The following RALYL variants were observed in gnomAD, a reference collection of about 807,000 sequenced individuals.
RALYL encodes the protein RALY RNA binding protein like.
Under a neutral mutation model 35.1 loss-of-function variants are expected in RALYL, and 29 were observed. That is an observed-to-expected ratio of 0.83 (90% CI 0.61 to 1.13). RALYL has a LOEUF of 1.13. Among genes scored for constraint, RALYL ranks in the 50% most tolerant of loss-of-function variants. The pLI is 0.00. For synonymous variants in RALYL, 120 were observed against 127.6 expected (o/e 0.94, Z 0.40); for missense variants, 359 against 360.4 (o/e 1.00, Z 0.03).
intron 2 of RALYL, among the ~76,000 whole-genome samples, chr8:84,680,420 G>A (rs540331501): frequency 7.9e-5 from 12 of 152,114 alleles, no homozygotes; most frequent in Admixed American, 4.6e-4. Context: ...CTGAGGAATC[G>A]CCACACTGAC....
rs1000108323 is a variant in RALYL, at chr8:84,621,035, T to G, written c.256+91458T>G. Reference sequence around the variant, plus strand: ...GGACATTTAAGTCTGCAGAGGTTACTGCTGTCTTTTTGTTTGTGCCCTGCC... The same window carrying G: ...GGACATTTAAGTCTGCAGAGGTTACGGCTGTCTTTTTGTTTGTGCCCTGCC... On this transcript the variant is annotated intron_variant, in intron 2 of 8. Transcript: ENST00000521268. Among the ~76,000 whole-genome samples the G allele has an allele frequency of 2.0e-5, 3 of 152,218 alleles. No individual in the cohort carries two copies. In the South Asian group the frequency reaches 6.2e-4, roughly 31 times the overall value.
chr8:84,771,257 A>G (rs1276267488), intron 2 of RALYL, among the ~76,000 whole-genome samples: 4 of 151,886 alleles, frequency 2.6e-5, no homozygotes, highest in Non-Finnish European at 5.9e-5. Flanking sequence ...CTACTGTTGT[A>G]TAGTATTCCT....
At chr8:84,795,470 G>A (rs1247886990) in intron 3 of RALYL, among the ~76,000 whole-genome samples, 1 of 152,144 alleles carries the variant, frequency 6.6e-6, no homozygotes, top group Non-Finnish European at 1.5e-5. Flanking sequence ...ATGTGAAAAT[G>A]CTTAAAATAG....
At chr8:84,583,068 G>T (rs1811204095) in intron 2 of RALYL, among the ~76,000 whole-genome samples, 1 of 151,992 alleles carries the variant, frequency 6.6e-6, no homozygotes, top group South Asian at 2.1e-4. Flanking sequence ...TAGTGATTTG[G>T]ATCTTTGATT....
In RALYL at chr8:84,456,485, C is replaced by T. The variant is rs1228121944; in HGVS notation, c.-23-72814C>T. Among the ~76,000 whole-genome samples, 4 of 151,896 alleles carry T rather than the reference C, an allele frequency of 2.6e-5. No individual in the cohort carries two copies. In the East Asian group the frequency reaches 7.8e-4, roughly 30 times the overall value. On this transcript the variant is annotated intron_variant, in intron 1 of 8. Transcript: ENST00000521268. ...CCAAATGTTCTTCTTTATTATGCTCCATATTCTGACCTGATTATATTATTG... is the reference window on the plus strand; with the variant it reads ...CCAAATGTTCTTCTTTATTATGCTCTATATTCTGACCTGATTATATTATTG...
intron 1 of RALYL, among the ~76,000 whole-genome samples, chr8:84,254,993 C>G (rs930762881): frequency 1.3e-5 from 2 of 152,006 alleles, no homozygotes; most frequent in Non-Finnish European, 2.9e-5. Flanking sequence ...ATCTCCACCT[C>G]GTCTCTCCCT....
At chr8:84,480,304 C>T (rs1310186629) in intron 1 of RALYL, among the ~76,000 whole-genome samples, 1 of 152,058 alleles carries the variant, frequency 6.6e-6, no homozygotes, top group Non-Finnish European at 1.5e-5. Context: ...TCATTATCAT[C>T]ATCAAAAAGA....
intron 1 of RALYL, among the ~76,000 whole-genome samples, chr8:84,207,026 G>A (rs558114245): frequency 6.6e-5 from 10 of 152,102 alleles, no homozygotes; most frequent in Non-Finnish European, 1.3e-4. Flanking sequence ...ATAAGTGCTG[G>A]CCAGAGTGTG....
intron 7 of RALYL, among the ~76,000 whole-genome samples, chr8:84,876,026 G>A (rs1841063444): frequency 6.6e-6 from 1 of 152,262 alleles, no homozygotes; most frequent in South Asian, 2.1e-4. Context: ...AAGTTCCATA[G>A]TATCTTTTTT....
At chr8:84,309,874 G>A (rs564991221) in intron 1 of RALYL, among the ~76,000 whole-genome samples, 14 of 151,866 alleles carry the variant, frequency 9.2e-5, no homozygotes, top group Non-Finnish European at 1.3e-4. Context: ...TGCAACCCCC[G>A]CCACCACGAC....
At chr8:84,608,174 T>C (rs560491295) in intron 2 of RALYL, among the ~76,000 whole-genome samples, 1 of 152,222 alleles carries the variant, frequency 6.6e-6, no homozygotes, top group African/African-American at 2.4e-5. Flanking sequence ...CCAGCCACAA[T>C]TGCCTAGAGC....
chr8:84,664,263 A>ATTTTTT (rs60423756), intron 2 of RALYL, among the ~76,000 whole-genome samples: 5 of 58,048 alleles, frequency 8.6e-5, no homozygotes, highest in Non-Finnish European at 1.2e-4. Context: ...ATGCCTCTAG[A>ATTTTTT]TTTTTTTTTT....
At chr8:84,552,358 ATTTTTT>A (rs1167949176) in intron 2 of RALYL, among the ~76,000 whole-genome samples, 77 of 30,594 alleles carry the variant, frequency 2.5e-3, no homozygotes, top group African/African-American at 8.5e-3. Flanking sequence ...ATATATATAT[ATTTTTT>A]TTTTTTTTTT....
intron 3 of RALYL, among the ~76,000 whole-genome samples, chr8:84,790,945 G>A (rs186692721): frequency 1.3e-5 from 2 of 152,290 alleles, no homozygotes; most frequent in Admixed American, 6.5e-5. Flanking sequence ...AATTCACCGT[G>A]TACTGAGAAA....
chr8:84,209,987 T>G (rs889534473), intron 1 of RALYL, among the ~76,000 whole-genome samples: 1 of 152,154 alleles, frequency 6.6e-6, no homozygotes, highest in Non-Finnish European at 1.5e-5. Context: ...ATGTAGCTAC[T>G]TTTCTCATAT....
chr8:84,788,659 A>T (rs1156957458), intron 3 of RALYL, among the ~76,000 whole-genome samples: 2 of 152,160 alleles, frequency 1.3e-5, no homozygotes, highest in African/African-American at 4.8e-5. Flanking sequence ...CATTAACATT[A>T]GTCTCACAGT....
At chr8:84,662,128 C>A (rs1238474228) in intron 2 of RALYL, among the ~76,000 whole-genome samples, 4 of 152,108 alleles carry the variant, frequency 2.6e-5, no homozygotes, top group Non-Finnish European at 5.9e-5. Context: ...CATTCAATTT[C>A]TTTGCCTCTT....
chr8:84,405,763 TG>T (rs1446352915), intron 1 of RALYL, among the ~76,000 whole-genome samples: 2 of 151,708 alleles, frequency 1.3e-5, no homozygotes, highest in Admixed American at 6.6e-5. Flanking sequence ...TAGATAAGGA[TG>T]TGTCTAAATA....
At position 84,601,502 on chromosome 8, in the gene RALYL, C is replaced by G. The variant is rs948420836; in HGVS notation, c.256+71925C>G. On this transcript the variant is annotated intron_variant, in intron 2 of 8. Transcript: ENST00000521268. ...GGAAGAGTTTCTGCCGGGAAGCCTACTAATGGGATTTAAATTAGGTCAGAT... is the reference window on the plus strand; with the variant it reads ...GGAAGAGTTTCTGCCGGGAAGCCTAGTAATGGGATTTAAATTAGGTCAGAT... 2.0e-5 allele frequency among the ~76,000 whole-genome samples: 3 copies of G among 152,040 alleles called. No individual in the cohort carries two copies. The South Asian group carries it at 6.2e-4, about 31-fold the overall frequency.
Sources: allele counts gnomAD v4.1 joint callset (sites outside exome capture counted in the v4.1 genomes callset), GRCh38; gene constraint gnomAD v4.1.1; transcripts MANE v1.5; gene names NCBI Gene and HGNC (gene_info 2026-07-23, HGNC 2026-07-21).